The following RELN variants were observed in gnomAD, a reference collection of about 807,000 sequenced individuals.
RELN encodes the protein reelin.
A neutral mutation model predicts 427.6 loss-of-function variants in RELN; 108 were observed. The ratio of observed to expected loss-of-function variants is 0.25; its 90% CI spans 0.22 to 0.30. The LOEUF is 0.30. Ranked by LOEUF, RELN falls within the 10% of genes least tolerant of loss-of-function variation. RELN has a pLI of 1.00. For missense variants in RELN, 3,715 were observed against 4,302.8 expected (o/e 0.86, Z 3.82); for synonymous variants, 1,524 against 1,513.4 (o/e 1.01, Z -0.16).
At chr7:103,683,944 A>T (rs1041907590) in intron 10 of RELN, among the ~76,000 whole-genome samples, 1 of 152,188 alleles carries the variant, frequency 6.6e-6, no homozygotes, top group Non-Finnish European at 1.5e-5. Context: ...GCTCCTCACC[A>T]TGCTAAGGAG....
intron 22 of RELN, among the ~76,000 whole-genome samples, chr7:103,606,815 CA>C (rs1276139258): frequency 1.3e-5 from 2 of 151,976 alleles, no homozygotes; most frequent in Admixed American, 1.3e-4. Flanking sequence ...CCTTAGGACA[CA>C]AAACTTCAAG....
In RELN at chr7:103,868,924, T is replaced by A. The variant is rs557162625; in HGVS notation, c.338-35252A>T. Among the ~76,000 whole-genome samples the A allele has an allele frequency of 5.9e-5, 9 of 152,248 alleles. No homozygotes were observed. In the East Asian group the frequency reaches 1.7e-3, roughly 29 times the overall value. On this transcript the variant is annotated intron_variant, in intron 2 of 64. Transcript: ENST00000428762. Reference sequence around the variant, plus strand: ...AGTATATATTTTCACTTTCAATCTATTTGCTTTTTTTCTAATTAAAATGCA... The same window carrying A: ...AGTATATATTTTCACTTTCAATCTAATTGCTTTTTTTCTAATTAAAATGCA...
intron 2 of RELN, among the ~76,000 whole-genome samples, chr7:103,872,028 A>ATTTTTTTTTTTT (rs142665123): frequency 9.5e-6 from 1 of 104,752 alleles, no homozygotes; most frequent in Non-Finnish European, 2.2e-5. Flanking sequence ...ATATATATAT[A>ATTTTTTTTTTTT]TATTTTTCTT....
rs186631735 is a variant in RELN, at chr7:103,767,899, C to A, written c.544+8658G>T. ...TAAAATTGCAATCAGCCTCTTCCCC[C>A]CTCCATCCAGCTGTATGCTCTTTCC... is the stretch of plus-strand genomic sequence containing the variant. On this transcript the variant is annotated intron_variant, in intron 4 of 64. Transcript: ENST00000428762. Among the ~76,000 whole-genome samples the A allele has an allele frequency of 6.3e-4, 96 of 152,198 alleles. 2 individuals carry two copies. Among genetic ancestry groups the A allele is most frequent in the Middle Eastern group, 3.4e-3 (1 of 294 alleles).
chr7:103,561,527 C>T lies in RELN; in HGVS notation c.5529+5G>A. The T allele has an allele frequency of 6.2e-7, 1 of 1,607,374 alleles. No individual in the cohort carries two copies. Among genetic ancestry groups the T allele is most frequent in the Non-Finnish European group, 8.5e-7 (1 of 1,173,992 alleles). On this transcript the variant is annotated splice_donor_5th_base_variant and intron_variant, in intron 36 of 64. Coordinates refer to ENST00000428762, the MANE Select transcript of RELN (RefSeq NM_005045.4). ...TTGGGAAGGAGAATCTTATCTGTAT[C>T]TGACCCCTTTAAAAATTAGAGATGT...
chr7:103,593,076 G>A (rs1393058079), intron 27 of RELN, among the ~76,000 whole-genome samples: 1 of 152,128 alleles, frequency 6.6e-6, no homozygotes, highest in Non-Finnish European at 1.5e-5. Flanking sequence ...CATTAAAACT[G>A]CATTACTTTC....
chr7:103,709,320 T>C (rs1789730860), intron 8 of RELN, among the ~76,000 whole-genome samples: 2 of 152,174 alleles, frequency 1.3e-5, no homozygotes, highest in South Asian at 2.1e-4. Flanking sequence ...TACATTTCTG[T>C]TCCTCTGTTT....
intron 1 of RELN, among the ~76,000 whole-genome samples, chr7:103,925,973 TG>T (rs557748928): frequency 3.0e-4 from 45 of 152,276 alleles, no homozygotes; most frequent in Admixed American, 2.6e-3. Flanking sequence ...GTTTCTATTA[TG>T]TTTTTTTTAC....
chr7:103,532,156 C>T (rs1392253655), intron 46 of RELN, among the ~76,000 whole-genome samples: 1 of 152,138 alleles, frequency 6.6e-6, no homozygotes, highest in African/African-American at 2.4e-5. Flanking sequence ...GTGGATGGAG[C>T]TGGAAGCCAT....
intron 11 of RELN, among the ~76,000 whole-genome samples, chr7:103,680,400 T>C (rs1405935636): frequency 6.6e-6 from 1 of 152,038 alleles, no homozygotes; most frequent in Non-Finnish European, 1.5e-5. Context: ...TGGATGGAAT[T>C]AGCGTGGAGA....
At chr7:103,708,715 G>C (rs2115835902) in intron 8 of RELN, among the ~76,000 whole-genome samples, 1 of 152,004 alleles carries the variant, frequency 6.6e-6, no homozygotes, top group Admixed American at 6.5e-5. Flanking sequence ...CGCCCGTCTT[G>C]GCCTCCCAAA....
rs547413272 is a variant in RELN, at chr7:103,525,553, A to G, written c.7350-2022T>C. ...TGTAACTCAGCGGTTTTGCTGATAAATTATTTTTAATGACTAAATTTATCT... is the reference window on the plus strand; with the variant it reads ...TGTAACTCAGCGGTTTTGCTGATAAGTTATTTTTAATGACTAAATTTATCT... On this transcript the variant is annotated intron_variant, in intron 46 of 64. Coordinates refer to ENST00000428762, the MANE Select transcript of RELN (RefSeq NM_005045.4). Among the ~76,000 whole-genome samples, 9 of 152,304 alleles carry G rather than the reference A, an allele frequency of 5.9e-5. No homozygotes were observed. The East Asian group carries it at 1.7e-3, about 29-fold the overall frequency.
intron 6 of RELN, among the ~76,000 whole-genome samples, chr7:103,746,787 G>C (rs1192393053): frequency 1.3e-5 from 2 of 150,848 alleles, no homozygotes; most frequent in Non-Finnish European, 2.9e-5. Context: ...AGGATGTGGA[G>C]AAATAGGAAC....
chr7:103,719,660 G>A (rs1266248677), intron 8 of RELN, among the ~76,000 whole-genome samples: 4 of 152,164 alleles, frequency 2.6e-5, no homozygotes. Context: ...AACCCTGCCT[G>A]AGAAAGTAGA....
intron 11 of RELN, among the ~76,000 whole-genome samples, chr7:103,673,146 G>A (rs1030974161): frequency 2.0e-5 from 3 of 151,996 alleles, no homozygotes; most frequent in African/African-American, 7.2e-5. Context: ...ATTGGCTCCT[G>A]ACAAATTGTT....
chr7:103,517,555 G>A (rs1829597104), intron 49 of RELN, among the ~76,000 whole-genome samples: 1 of 152,056 alleles, frequency 6.6e-6, no homozygotes, highest in South Asian at 2.1e-4. Flanking sequence ...TTGCACTAAC[G>A]TTATGCTGCT....
intron 10 of RELN, among the ~76,000 whole-genome samples, chr7:103,686,704 TTG>T (rs1320534119): frequency 1.3e-5 from 2 of 152,196 alleles, no homozygotes; most frequent in Non-Finnish European, 2.9e-5. Flanking sequence ...CTACATATTA[TTG>T]TGTTTTTCAA....
At chr7:103,665,442 C>T (rs943703390) in intron 11 of RELN, among the ~76,000 whole-genome samples, 1 of 151,612 alleles carries the variant, frequency 6.6e-6, no homozygotes, top group African/African-American at 2.4e-5. Flanking sequence ...TCAGCCACAC[C>T]TTTCACTTCT....
intron 45 of RELN, among the ~76,000 whole-genome samples, chr7:103,538,031 T>G (rs362715): frequency 6.6e-6 from 1 of 151,954 alleles, no homozygotes; most frequent in African/African-American, 2.4e-5. Flanking sequence ...CATCAGGTAG[T>G]CTGTATCTAC....
Sources: allele counts gnomAD v4.1 joint callset (sites outside exome capture counted in the v4.1 genomes callset), GRCh38; gene constraint gnomAD v4.1.1; transcripts MANE v1.5; gene names NCBI Gene and HGNC (gene_info 2026-07-23, HGNC 2026-07-21).